GRK5: variants seen among roughly 807,000 people sequenced by gnomAD.
GRK5 encodes g protein-coupled receptor kinase GRK5.
A neutral mutation model predicts 78.4 loss-of-function variants in GRK5; 40 were observed. The observed-to-expected ratio is 0.51, with a 90% CI of 0.40 to 0.66. GRK5 has a LOEUF of 0.66. GRK5 is among the 30% of genes least tolerant of loss of function. The probability of loss-of-function intolerance (pLI) is 0.00; values close to 1 mark genes in which losing one functional copy is unlikely to be tolerated. For missense variants in GRK5, 598 were observed against 759.9 expected, an observed-to-expected ratio of 0.79 and a Z score of 2.50; for synonymous variants, 289 against 296.8, an observed-to-expected ratio of 0.97 and a Z score of 0.27.
chr10:119,309,232 C>A (rs1850322203), intron 1 of GRK5, among the ~76,000 whole-genome samples: 1 of 152,256 alleles, frequency 6.6e-6, no homozygotes, highest in Admixed American at 6.5e-5. Context: ...AGCCCCTCTT[C>A]CTCTAGTATT....
chr10:119,436,696 G>T lies in GRK5; in HGVS notation c.784G>T (p.Val262Phe). Residue 262 changes from valine (V) to phenylalanine (F), a missense_variant, in exon 9 of 16, where the codon GTC (valine) becomes TTC (phenylalanine). By Grantham distance (50) the Val-to-Phe change is conservative (BLOSUM62 -1). Transcript: ENST00000392870. The stretch of plus-strand genomic sequence containing the variant: ...CGAGACCAAGGATGCACTGTGCTTG[G>T]TCCTGACCATCATGAATGGGGGTGA... The part of the protein sequence containing the change: ...AYETKDALCL[V>F]LTIMNGGDLK... 6.2e-7 allele frequency: 1 copy of T among 1,614,228 alleles called. No homozygotes were observed. Among genetic ancestry groups the T allele is most frequent in the Non-Finnish European group, 8.5e-7 (1 of 1,180,032 alleles).
At chr10:119,209,486 GGT>G (rs1491525489) in intron 1 of GRK5, among the ~76,000 whole-genome samples, 8 of 88,836 alleles carry the variant, frequency 9.0e-5, no homozygotes, top group East Asian at 3.4e-4. Context: ...GTGTGTGTGT[GGT>G]TTTTTTTTTT....
In GRK5 at chr10:119,336,314, C is replaced by A. The variant is rs1850885236; in HGVS notation, c.148+9703C>A. 6.6e-6 allele frequency: 1 copy of A among 152,246 alleles called. No individual in the cohort carries two copies. The highest frequency in any genetic ancestry group is 6.5e-5 in the Admixed American group (1 of 15,286). The allele number at this position is 152,246 out of a possible 1,614,324, so 9.4% of individuals were successfully genotyped here. Reference sequence around the variant, plus strand: ...GCATCACACTCTGCCCAGGCCCCTGCTCTGGCCCAGTGTGTTTCCTTGAAA... The same window carrying A: ...GCATCACACTCTGCCCAGGCCCCTGATCTGGCCCAGTGTGTTTCCTTGAAA... On this transcript the variant is annotated intron_variant, in intron 2 of 15. Coordinates refer to ENST00000392870, the MANE Select transcript of GRK5 (RefSeq NM_005308.3). This position sits in a 1 kb window ranked among gnomAD's most constrained non-coding sequence, Gnocchi z 4.5.
intron 2 of GRK5, among the ~76,000 whole-genome samples, chr10:119,327,781 C>T (rs538933229): frequency 3.9e-5 from 6 of 152,306 alleles, no homozygotes; most frequent in South Asian, 2.1e-4. Context: ...CCCCGCCCCA[C>T]GACGGCAGAC....
intron 1 of GRK5, among the ~76,000 whole-genome samples, chr10:119,292,043 C>A (rs141880524): frequency 3.9e-3 from 508 of 130,756 alleles, no homozygotes; most frequent in African/African-American, 0.015. Context: ...TCCTCCTCTT[C>A]CTCCTTCTCC....
intron 2 of GRK5, among the ~76,000 whole-genome samples, chr10:119,340,762 G>C (rs911034059): frequency 6.6e-6 from 1 of 152,176 alleles, no homozygotes; most frequent in African/African-American, 2.4e-5. Flanking sequence ...ACTTAACCTT[G>C]ATTTGCTCGT....
chr10:119,327,277 A>G (rs762929670), intron 2 of GRK5, among the ~76,000 whole-genome samples: 6 of 152,160 alleles, frequency 3.9e-5, no homozygotes, highest in Non-Finnish European at 8.8e-5. Context: ...CACGCAGGAC[A>G]CGGCTGTGGT....
chr10:119,275,916 A>T (rs562656406), intron 1 of GRK5, among the ~76,000 whole-genome samples: 1 of 152,316 alleles, frequency 6.6e-6, no homozygotes, highest in African/African-American at 2.4e-5. Flanking sequence ...GCAATACTGC[A>T]AACACAGACA....
intron 1 of GRK5, among the ~76,000 whole-genome samples, chr10:119,301,566 G>A (rs1389228296): frequency 1.3e-5 from 2 of 152,192 alleles, no homozygotes; most frequent in Non-Finnish European, 2.9e-5. Flanking sequence ...TCTAGAGCAC[G>A]CCCCATCCGA....
At chr10:119,218,354 C>CT (rs920249734) in intron 1 of GRK5, among the ~76,000 whole-genome samples, 1 of 152,106 alleles carries the variant, frequency 6.6e-6, no homozygotes, top group African/African-American at 2.4e-5. Context: ...TACCCAACTG[C>CT]TGGATGGAGA....
At chr10:119,407,704 A>G (rs980771551) in intron 4 of GRK5, among the ~76,000 whole-genome samples, 3 of 152,238 alleles carry the variant, frequency 2.0e-5, no homozygotes. Flanking sequence ...AGAGTTCTTT[A>G]GCTCATAATG....
At chr10:119,330,444 A>C (rs532921566) in intron 2 of GRK5, 1 of 151,640 alleles carries the variant, frequency 6.6e-6, no homozygotes, top group African/African-American at 2.4e-5. Flanking sequence ...CACTAATCCT[A>C]TTCATGATGG....
chr10:119,238,768 G>T lies in GRK5; in HGVS notation c.52+30799G>T, dbSNP rs1267691765. Among the ~76,000 whole-genome samples the T allele has an allele frequency of 6.6e-6, 1 of 152,110 alleles. No homozygotes were observed. Among genetic ancestry groups the T allele is most frequent in the Non-Finnish European group, 1.5e-5 (1 of 68,010 alleles). ...GAATTGGTTAGCCACATTCTTCTGG[G>T]CTCTGATGAGAAATGATGACCCCGG... On this transcript the variant is annotated intron_variant, in intron 1 of 15. Transcript: ENST00000392870. This position sits in a 1 kb window ranked among gnomAD's most constrained non-coding sequence, Gnocchi z 4.7.
At chr10:119,330,594 T>C (rs1850758952) in intron 2 of GRK5, among the ~76,000 whole-genome samples, 1 of 152,134 alleles carries the variant, frequency 6.6e-6, no homozygotes, top group Non-Finnish European at 1.5e-5. Flanking sequence ...AGTGCCAACC[T>C]ATTCCTAGAT....
intron 1 of GRK5, among the ~76,000 whole-genome samples, chr10:119,284,757 G>T (rs148983844): frequency 0.013 from 2,023 of 152,356 alleles, 18 homozygotes; most frequent in Non-Finnish European, 0.019. Flanking sequence ...TCAGGCCTGA[G>T]CCTGTGTACT....
intron 2 of GRK5, among the ~76,000 whole-genome samples, chr10:119,338,244 AGTG>A (rs1850927770): frequency 6.6e-6 from 1 of 152,204 alleles, no homozygotes; most frequent in Non-Finnish European, 1.5e-5. Context: ...TCACTTCCCC[AGTG>A]GACCACAGGA....
At chr10:119,216,976 T>A (rs1027639910) in intron 1 of GRK5, among the ~76,000 whole-genome samples, 1 of 151,776 alleles carries the variant, frequency 6.6e-6, no homozygotes, top group African/African-American at 2.4e-5. Flanking sequence ...AAAAAGGGAG[T>A]CACTTGTTCA....
At chr10:119,366,594 A>G (rs1589767346) in intron 2 of GRK5, among the ~76,000 whole-genome samples, 1 of 152,118 alleles carries the variant, frequency 6.6e-6, no homozygotes, top group East Asian at 1.9e-4. Flanking sequence ...CAGCCACTAG[A>G]TGTTGAGGCC....
At chr10:119,415,219 T>G (rs1852427199) in intron 4 of GRK5, among the ~76,000 whole-genome samples, 1 of 151,510 alleles carries the variant, frequency 6.6e-6, no homozygotes, top group Non-Finnish European at 1.5e-5. Flanking sequence ...TCATCTTAGA[T>G]GTGGTTATGT....
Sources: allele counts gnomAD v4.1 joint callset (sites outside exome capture counted in the v4.1 genomes callset), GRCh38; gene constraint gnomAD v4.1.1; non-coding constraint Gnocchi (gnomAD v3.1); transcripts MANE v1.5; gene names NCBI Gene and HGNC (gene_info 2026-07-23, HGNC 2026-07-21).